The following SELP variants were observed in gnomAD, a reference collection of about 807,000 sequenced individuals.
The protein encoded by SELP is P-selectin.
In SELP, 92 loss-of-function variants were observed where a neutral mutation model predicts 104.1. The observed-to-expected ratio is 0.88, with a 90% CI of 0.75 to 1.05. The LOEUF is 1.05. Ranked by LOEUF, SELP falls within the 50% of genes least tolerant of loss-of-function variation. The pLI, the probability that SELP is intolerant of heterozygous loss-of-function variation, is 0.00. For synonymous variants in SELP, 397 were observed against 364.5 expected (o/e 1.09, Z -1.01); for missense variants, 1,022 against 1,017.3 (o/e 1.00, Z -0.06).
At position 169,617,133 on chromosome 1, in the gene SELP, T is replaced by C; in HGVS notation, c.376A>G (p.Arg126Gly). 6.2e-7 allele frequency: 1 copy of C among 1,614,184 alleles called. No homozygotes were observed. Reference protein sequence around the residue: ...NWADNEPNNKRNNEDCVEIYI... With the variant: ...NWADNEPNNKGNNEDCVEIYI... ...ATCTCCACGCAGTCCTCGTTGTTCC[T>C]TTTGTTGTTAGGTTCATTATCAGCC... is the stretch of plus-strand genomic sequence containing the variant. The change falls in exon 3 of 17, where the codon AGG becomes GGG. Residue 126 changes from arginine (R) to glycine (G), a missense_variant. By Grantham distance (125) the Arg-to-Gly change is moderately radical. Transcript: ENST00000263686.
intron 7 of SELP, among the ~76,000 whole-genome samples, chr1:169,611,048 T>C (rs1662505436): frequency 6.6e-6 from 1 of 152,144 alleles, no homozygotes; most frequent in South Asian, 2.1e-4. Flanking sequence ...AGAATTCATT[T>C]TGGCGGAATT....
Position 169,619,157 on chromosome 1 carries a change from T to C in SELP, c.66A>G (p.Gln22=). 1 of 1,613,758 alleles carries C rather than the reference T, an allele frequency of 6.2e-7. No homozygotes were observed. Among genetic ancestry groups the C allele is most frequent in the Non-Finnish European group, 8.5e-7 (1 of 1,179,826 alleles). The change falls in exon 2 of 17, where the codon CAA becomes CAG. Residue 22 remains glutamine (Q), a synonymous_variant. Coordinates refer to ENST00000263686, the MANE Select transcript of SELP (RefSeq NM_003005.4). Reference sequence around the variant, plus strand: ...AGATCAGGGCACTGAAGCAAAGGAGTTGGGAAATTCCAAAGACCACTCTCT... The same window carrying C: ...AGATCAGGGCACTGAAGCAAAGGAGCTGGGAAATTCCAAAGACCACTCTCT... The part of the protein sequence containing the change: ...RFQRVVFGIS[Q]LLCFSALISE...
Position 169,590,144 on chromosome 1 carries a change from T to C in SELP, c.*1+3A>G, listed in dbSNP as rs370150670. 7.7e-5 allele frequency: 124 copies of C among 1,604,552 alleles called. No homozygotes were observed. In the African/African-American group the frequency reaches 1.6e-3, roughly 20 times the overall value. Reference sequence around the variant, plus strand: ...TTCAAAAATATCTTTATAGGGATCTTACCTTAAGGACTCGGGTCAAATGCA... The same window carrying C: ...TTCAAAAATATCTTTATAGGGATCTCACCTTAAGGACTCGGGTCAAATGCA... On this transcript the variant is annotated splice_donor_region_variant and intron_variant, in intron 16 of 16. Coordinates refer to ENST00000263686, the MANE Select transcript of SELP (RefSeq NM_003005.4).
intron 11 of SELP, 124 bp downstream of exon 11, chr1:169,596,867 T>C (rs763839019): frequency 3.7e-6 from 3 of 808,346 alleles, no homozygotes; most frequent in African/African-American, 1.8e-5. Flanking sequence ...TTCAGCTGTT[T>C]GCTAAACCCA....
At chr1:169,590,850 A>G (rs1331864515) in intron 15 of SELP, among the ~76,000 whole-genome samples, 2 of 152,252 alleles carry the variant, frequency 1.3e-5, no homozygotes, top group African/African-American at 4.8e-5. Context: ...GAATTGTCCA[A>G]CATCCCACAT....
intron 10 of SELP, among the ~76,000 whole-genome samples, chr1:169,597,398 C>A (rs1571626634): frequency 6.6e-6 from 1 of 152,152 alleles, no homozygotes; most frequent in African/African-American, 2.4e-5. Flanking sequence ...GTACAAGTCA[C>A]GAAGACAAAG....
chr1:169,596,959 G>C (rs1221901265), intron 11 of SELP, 32 bp downstream of exon 11: 1 of 1,541,916 alleles, frequency 6.5e-7, no homozygotes, highest in Non-Finnish European at 8.8e-7. Flanking sequence ...ATTTCCAAAA[G>C]TAGAACTGTC....
intron 13 of SELP, 39 bp from the exon 14 acceptor site, chr1:169,593,763 T>A (rs1185317585): frequency 3.1e-6 from 5 of 1,605,852 alleles, no homozygotes; most frequent in Non-Finnish European, 4.3e-6. Flanking sequence ...ACATAAGAAG[T>A]GTATTATGCA....
chr1:169,629,970 C>T, intron 1 of SELP, 102 bp downstream of exon 1: 1 of 1,443,002 alleles, frequency 6.9e-7, no homozygotes, highest in Admixed American at 1.7e-5. Flanking sequence ...AACTCCATGG[C>T]TATCGCTGTT....
In SELP at chr1:169,612,360, A is replaced by G; in HGVS notation, c.818T>C (p.Met273Thr). Residue 273 changes from methionine to threonine, a missense_variant, in exon 6 of 17, where the codon ATG (methionine) becomes ACG (threonine). Physicochemically the swap from Met to Thr is moderately conservative, Grantham distance 81. Coordinates refer to ENST00000263686, the MANE Select transcript of SELP (RefSeq NM_003005.4). ...TGCTTTTGCAGAATGAAGGCAGGTC[A>G]TGTTTCCTCGTTCAGGAATCTTCAG... is the stretch of plus-strand genomic sequence containing the variant. The part of the protein sequence containing the change: ...PPLKIPERGN[M>T]TCLHSAKAFQ... 6.2e-7 allele frequency: 1 copy of G among 1,614,108 alleles called. No homozygotes were observed. The highest frequency in any genetic ancestry group is 1.1e-5 in the South Asian group (1 of 91,074).
chr1:169,604,603 A>G (rs1662090120), intron 9 of SELP, among the ~76,000 whole-genome samples: 1 of 152,122 alleles, frequency 6.6e-6, no homozygotes, highest in Admixed American at 6.5e-5. Flanking sequence ...TCTTCCCTTC[A>G]TTCCTTCCCC....
At chr1:169,594,452 G>C (rs1161473059) in intron 13 of SELP, among the ~76,000 whole-genome samples, 1 of 152,126 alleles carries the variant, frequency 6.6e-6, no homozygotes, top group East Asian at 1.9e-4. Context: ...GAAGCAAAAG[G>C]TTTCATTTCA....
chr1:169,617,125 G>C lies in SELP; in HGVS notation c.384C>G (p.Asn128Lys), dbSNP rs147922476. 6 of 1,613,724 alleles carry C rather than the reference G, an allele frequency of 3.7e-6. No individual in the cohort carries two copies. In the African/African-American group the frequency reaches 4.0e-5, roughly 11 times the overall value. ...TGATGTATATCTCCACGCAGTCCTC[G>C]TTGTTCCTTTTGTTGTTAGGTTCAT... The part of the protein sequence containing the change: ...ADNEPNNKRN[N>K]EDCVEIYIKS... Residue 128 changes from asparagine (N) to lysine (K), a missense_variant, in exon 3 of 17, where the codon AAC (asparagine) becomes AAG (lysine). Asn to Lys is a moderately conservative substitution (Grantham distance 94). Coordinates refer to ENST00000263686, the MANE Select transcript of SELP (RefSeq NM_003005.4).
Position 169,611,519 on chromosome 1 carries a change from AGT to A in SELP, c.1118_1119del (p.His373LeufsTer9). 6.2e-7 allele frequency: 1 copy of A among 1,614,080 alleles called. No homozygotes were observed. Among genetic ancestry groups the A allele is most frequent in the Non-Finnish European group, 8.5e-7 (1 of 1,179,984 alleles). ...TCACAGGTTGGCAAGGGTGCAGACC[AGT>A]GTCCAGAGTCAATGCAGCGGAGCAT... ...LDMLRCIDSG[H>X]WSAPLPTCEA... On this transcript the variant is annotated frameshift_variant, in exon 7 of 17. Transcript: ENST00000263686. LOFTEE classifies it high-confidence loss of function.
chr1:169,628,165 G>C (rs1252253596), intron 1 of SELP, among the ~76,000 whole-genome samples: 2 of 152,170 alleles, frequency 1.3e-5, no homozygotes, highest in Non-Finnish European at 2.9e-5. Flanking sequence ...CAAAGTGCTG[G>C]GATTACAGGC....
intron 3 of SELP, among the ~76,000 whole-genome samples, chr1:169,614,433 C>T (rs371921675): frequency 2.0e-4 from 30 of 152,182 alleles, no homozygotes; most frequent in African/African-American, 7.2e-4. Context: ...TAGAGAAGGG[C>T]CATGGTTTCT....
intron 14 of SELP, 73 bp from the exon 15 acceptor site, chr1:169,591,529 T>C: frequency 9.2e-7 from 1 of 1,084,890 alleles, no homozygotes. Context: ...TCATTAAGGA[T>C]AGAAATTACT....
rs1374211413 is a variant in SELP at position 169,593,708 on chromosome 1, G to A, written c.2304C>T (p.Ile768=). ...CACCAAAGTAAGTCAGGGCTTCCTG[G>A]ATAGTCAATGGTCCTGCTACAAAAC... is the stretch of plus-strand genomic sequence containing the variant. ...VPTCQAGPLT[I]QEALTYFGGA... is the part of the protein sequence containing the mutation. The change falls in exon 14 of 17, where the codon ATC becomes ATT. Residue 768 remains isoleucine (I), a synonymous_variant. Coordinates refer to ENST00000263686, the MANE Select transcript of SELP (RefSeq NM_003005.4). 6 of 1,613,464 alleles carry A rather than the reference G, an allele frequency of 3.7e-6. No homozygotes were observed. Among genetic ancestry groups the A allele is most frequent in the Non-Finnish European group, 8.5e-7 (1 of 1,179,556 alleles).
chr1:169,604,306 T>A (rs1226239411), intron 9 of SELP, among the ~76,000 whole-genome samples: 7 of 151,072 alleles, frequency 4.6e-5, no homozygotes, highest in African/African-American at 7.3e-5. Flanking sequence ...TTGTTTGTTT[T>A]TTTCTTGTAA....
Sources: gnomAD v4.1 joint callset for allele counts (sites outside exome capture counted in the v4.1 genomes callset) on GRCh38, gnomAD v4.1.1 for gene constraint, MANE v1.5 for transcripts, NCBI Gene and HGNC (gene_info 2026-07-23, HGNC 2026-07-21) for gene names.